The following AFG2B variants were observed in gnomAD, a reference collection of about 807,000 sequenced individuals.
The protein encoded by AFG2B is AAA ATPase AFG2B, also known as ATPase family gene 2 protein homolog B.
chr15:45,404,768 G>T, the AFG2B span, among the ~76,000 whole-genome samples: 9,111 of 143,992 alleles, frequency 0.063, 472 homozygotes, highest in East Asian at 0.2. Flanking sequence ...GATGGTGCCC[G>T]CTGCACTCCA....
At chr15:45,418,369 A>C in the AFG2B span, among the ~76,000 whole-genome samples, 2 of 150,914 alleles carry the variant, frequency 1.3e-5, no homozygotes, top group Non-Finnish European at 3.0e-5. Context: ...AAAAAGATTC[A>C]TAAGTTTTTT....
chr15:45,412,067 C>T, the AFG2B span, among the ~76,000 whole-genome samples: 2 of 148,906 alleles, frequency 1.3e-5, no homozygotes, highest in African/African-American at 5.0e-5. Flanking sequence ...CATTGTACTC[C>T]AGCTTGAGCA....
At chr15:45,405,258 A>T in the AFG2B span, 1 of 1,471,136 alleles carries the variant, frequency 6.8e-7, no homozygotes, top group South Asian at 1.3e-5. Context: ...GATCAACTTT[A>T]AAAATAATAT....
the AFG2B span, among the ~76,000 whole-genome samples, chr15:45,409,429 A>G: frequency 2.0e-5 from 3 of 151,800 alleles, no homozygotes; most frequent in Non-Finnish European, 4.4e-5. Flanking sequence ...GTGTGGAGAG[A>G]ACACAGCTTC....
At chr15:45,402,745 C>A in the AFG2B span, 1 of 1,570,420 alleles carries the variant, frequency 6.4e-7, no homozygotes, top group Non-Finnish European at 8.6e-7. Flanking sequence ...GCCCTGTCCG[C>A]CCCTGCGGCG....
At chr15:45,405,783 C>G in the AFG2B span, among the ~76,000 whole-genome samples, 5 of 151,934 alleles carry the variant, frequency 3.3e-5, no homozygotes, top group African/African-American at 1.2e-4. Flanking sequence ...ATAGTGTGGC[C>G]CCAGAAGAAT....
chr15:45,405,933 C>T, the AFG2B span, among the ~76,000 whole-genome samples: 1 of 152,210 alleles, frequency 6.6e-6, no homozygotes, highest in Non-Finnish European at 1.5e-5. Context: ...CTTTATCATT[C>T]TCTCTTCATG....
chr15:45,406,049 C>A, the AFG2B span, among the ~76,000 whole-genome samples: 1 of 152,178 alleles, frequency 6.6e-6, no homozygotes, highest in South Asian at 2.1e-4. Context: ...TTCTGAAAAA[C>A]AAGGACCTTA....
the AFG2B span, chr15:45,410,510 G>C: frequency 6.2e-7 from 1 of 1,608,914 alleles, no homozygotes; most frequent in Non-Finnish European, 8.5e-7. Flanking sequence ...CCTTGAAGAT[G>C]TAAAACTGAA....
chr15:45,417,540 C>A, the AFG2B span: 3 of 768,766 alleles, frequency 3.9e-6, no homozygotes, highest in Admixed American at 5.9e-5. Context: ...TAATTTTGAT[C>A]TTCCTTTGTT....
chr15:45,406,929 T>C, the AFG2B span: 2 of 1,003,292 alleles, frequency 2.0e-6, no homozygotes, highest in Middle Eastern at 2.4e-4. Context: ...TTTAAAGTTC[T>C]GTGTGTAAAG....
the AFG2B span, chr15:45,415,536 C>T: frequency 2.2e-6 from 3 of 1,353,866 alleles, no homozygotes; most frequent in Non-Finnish European, 3.1e-6. Context: ...AGTAATATCA[C>T]ATGACTAATG....
At chr15:45,403,619 C>T in the AFG2B span, 1 of 1,483,256 alleles carries the variant, frequency 6.7e-7, no homozygotes, top group South Asian at 1.2e-5. Flanking sequence ...GTTTGAGCAT[C>T]GGTGAGGTTG....
the AFG2B span, among the ~76,000 whole-genome samples, chr15:45,416,130 A>G: frequency 6.6e-6 from 1 of 152,182 alleles, no homozygotes; most frequent in Non-Finnish European, 1.5e-5. Flanking sequence ...TTTCTTTCTA[A>G]AAATGTTTAT....
the AFG2B span, among the ~76,000 whole-genome samples, chr15:45,412,316 G>A: frequency 6.6e-6 from 1 of 152,078 alleles, no homozygotes; most frequent in Non-Finnish European, 1.5e-5. Context: ...CAGGAGAATC[G>A]CTTCAACCTA....
the AFG2B span, among the ~76,000 whole-genome samples, chr15:45,406,811 C>G: frequency 6.6e-6 from 1 of 152,256 alleles, no homozygotes; most frequent in Non-Finnish European, 1.5e-5. Flanking sequence ...GCCTCACTTC[C>G]TTTCCTTTAT....
At chr15:45,405,056 C>T in the AFG2B span, among the ~76,000 whole-genome samples, 1 of 151,992 alleles carries the variant, frequency 6.6e-6, no homozygotes, top group South Asian at 2.1e-4. Context: ...CAGATTCTCT[C>T]TAGTAGCTAT....
chr15:45,415,224 TG>T, the AFG2B span, among the ~76,000 whole-genome samples: 1 of 152,148 alleles, frequency 6.6e-6, no homozygotes, highest in Non-Finnish European at 1.5e-5. Flanking sequence ...TGGCCAGGCA[TG>T]GTGGCTTATG....
At chr15:45,402,714 C>T in the AFG2B span, 6 of 1,564,820 alleles carry the variant, frequency 3.8e-6, no homozygotes, top group South Asian at 6.9e-5. Context: ...GGAGTCTCAG[C>T]CTGAATCGCC....
Sources: gnomAD v4.1 joint callset for allele counts (sites outside exome capture counted in the v4.1 genomes callset) on GRCh38, gnomAD v4.1.1 for gene constraint, MANE v1.5 for transcripts, NCBI Gene and HGNC (gene_info 2026-07-23, HGNC 2026-07-21) for gene names.